The following ST6GALNAC3 variants were observed in gnomAD, a reference collection of about 807,000 sequenced individuals.
ST6GALNAC3 encodes ST6 N-acetylgalactosaminide alpha-2,6-sialyltransferase 3.
Under a neutral mutation model 32.7 loss-of-function variants are expected in ST6GALNAC3, and 25 were observed. That is an observed-to-expected ratio of 0.76 (90% confidence interval 0.56 to 1.07). The LOEUF (loss-of-function observed/expected upper bound fraction) is 1.07, where lower values mean the gene tolerates loss of function less well. Among genes scored for constraint, ST6GALNAC3 ranks in the 50% least tolerant of loss-of-function variants. The pLI, the probability that ST6GALNAC3 is intolerant of heterozygous loss-of-function variation, is 0.00. For missense variants in ST6GALNAC3, 355 were observed against 382.4 expected, an observed-to-expected ratio of 0.93 and a Z score of 0.60; for synonymous variants, 129 against 133.1, an observed-to-expected ratio of 0.97 and a Z score of 0.21.
Position 76,314,000 on chromosome 1 carries a change from G to A in ST6GALNAC3, c.213+1G>A, listed in dbSNP as rs949340554. The A allele has an allele frequency of 6.2e-7, 1 of 1,610,818 alleles. No individual in the cohort carries two copies. The highest frequency in any genetic ancestry group is 8.5e-7 in the Non-Finnish European group (1 of 1,178,430). On this transcript the variant is annotated splice_donor_variant, in intron 2 of 4. Transcript: ENST00000328299. LOFTEE classifies it high-confidence loss of function. Reference sequence around the variant, plus strand: ...ATACATAAATGTGAAGACACAAGAGGTAAGATCCCAGAGGGTTACCTAGCA... The same window carrying A: ...ATACATAAATGTGAAGACACAAGAGATAAGATCCCAGAGGGTTACCTAGCA...
chr1:76,472,843 T>C lies in ST6GALNAC3; in HGVS notation c.623+60426T>C, dbSNP rs536916330. Among the ~76,000 whole-genome samples, 7 of 152,160 alleles carry C rather than the reference T, an allele frequency of 4.6e-5. No homozygotes were observed. The South Asian group carries it at 1.0e-3, about 23-fold the overall frequency. ...AGAGAAAAACGAGGCCAGAGGTAGA[T>C]ACAGGCCAGGAATTAGGTGAAAGGT... On this transcript the variant is annotated intron_variant, in intron 3 of 4. Transcript: ENST00000328299.
intron 1 of ST6GALNAC3, among the ~76,000 whole-genome samples, chr1:76,273,046 A>G (rs1193376896): frequency 6.6e-6 from 1 of 152,216 alleles, no homozygotes; most frequent in Non-Finnish European, 1.5e-5. Context: ...TTTTAAAAAT[A>G]GCTTTCTTTT....
At chr1:76,186,931 T>A (rs1653592194) in intron 1 of ST6GALNAC3, among the ~76,000 whole-genome samples, 1 of 152,162 alleles carries the variant, frequency 6.6e-6, no homozygotes, top group South Asian at 2.1e-4. Context: ...AAACAATGAT[T>A]CCTGAGGCAA....
At position 76,142,774 on chromosome 1, in the gene ST6GALNAC3, A is replaced by G. The variant is rs982221116; in HGVS notation, c.18+67890A>G. The G allele has an allele frequency of 1.6e-5, 7 of 443,400 alleles. No homozygotes were observed. In the East Asian group the frequency reaches 4.9e-4, roughly 31 times the overall value. The allele number at this position is 443,400 out of a possible 1,614,324, so 27.5% of individuals were successfully genotyped here. On this transcript the variant is annotated intron_variant, in intron 1 of 4. Transcript: ENST00000328299. ...GCTGTGGTTATCTGGAGAATGCAAT[A>G]GGCAGAACTTGCTGGTAGAGGCCCC...
At chr1:76,260,262 A>C (rs553209176) in intron 1 of ST6GALNAC3, among the ~76,000 whole-genome samples, 1 of 152,186 alleles carries the variant, frequency 6.6e-6, no homozygotes, top group Non-Finnish European at 1.5e-5. Flanking sequence ...TAGAAAATCA[A>C]ATGCCATTTA....
chr1:76,558,189 C>T (rs1665037631), intron 3 of ST6GALNAC3, among the ~76,000 whole-genome samples: 1 of 152,138 alleles, frequency 6.6e-6, no homozygotes, highest in Non-Finnish European at 1.5e-5. Context: ...TTGGAGATTT[C>T]TGAAAGAATT....
intron 3 of ST6GALNAC3, among the ~76,000 whole-genome samples, chr1:76,484,520 G>A (rs1263989881): frequency 6.6e-6 from 1 of 152,140 alleles, no homozygotes; most frequent in African/African-American, 2.4e-5. Context: ...TTGGCTCTCT[G>A]TTTGTCTGTT....
chr1:76,288,202 T>TA (rs1431334858), intron 1 of ST6GALNAC3, among the ~76,000 whole-genome samples: 1 of 152,234 alleles, frequency 6.6e-6, no homozygotes, highest in Non-Finnish European at 1.5e-5. Flanking sequence ...GAAATCACTG[T>TA]AAAATCACAG....
At chr1:76,301,466 T>C (rs1230542629) in intron 1 of ST6GALNAC3, among the ~76,000 whole-genome samples, 2 of 152,098 alleles carry the variant, frequency 1.3e-5, no homozygotes, top group Non-Finnish European at 2.9e-5. Context: ...TTTGCTATTC[T>C]AGCAGGGGAA....
chr1:76,594,817 A>T (rs1455373602), intron 3 of ST6GALNAC3, among the ~76,000 whole-genome samples: 1 of 152,218 alleles, frequency 6.6e-6, no homozygotes, highest in Non-Finnish European at 1.5e-5. Flanking sequence ...GTCTAGATAT[A>T]TAAGAGAATA....
intron 2 of ST6GALNAC3, among the ~76,000 whole-genome samples, chr1:76,327,100 G>A (rs1647088371): frequency 6.6e-6 from 1 of 151,970 alleles, no homozygotes; most frequent in Non-Finnish European, 1.5e-5. Context: ...GTTTTTATCA[G>A]ATGACTTCCT....
chr1:76,324,991 G>A (rs779475503), intron 2 of ST6GALNAC3, among the ~76,000 whole-genome samples: 16 of 152,032 alleles, frequency 1.1e-4, no homozygotes, highest in Non-Finnish European at 1.8e-4. Context: ...GTGCAGGTTT[G>A]TTACATATGT....
At chr1:76,578,416 T>A (rs1212495014) in intron 3 of ST6GALNAC3, among the ~76,000 whole-genome samples, 2 of 152,074 alleles carry the variant, frequency 1.3e-5, no homozygotes, top group African/African-American at 4.8e-5. Flanking sequence ...TGGCTTGTGT[T>A]GTCTTGTTTT....
intron 1 of ST6GALNAC3, among the ~76,000 whole-genome samples, chr1:76,184,250 C>T (rs1653386081): frequency 6.6e-6 from 1 of 152,028 alleles, no homozygotes; most frequent in Non-Finnish European, 1.5e-5. Context: ...AGTTAAGAAA[C>T]ATATGGGGCT....
At chr1:76,235,580 TA>T (rs1311215411) in intron 1 of ST6GALNAC3, among the ~76,000 whole-genome samples, 1 of 151,822 alleles carries the variant, frequency 6.6e-6, no homozygotes, top group African/African-American at 2.4e-5. Context: ...GGTTATTTCT[TA>T]GGTTATTTCT....
chr1:76,467,757 T>A (rs1044508203), intron 3 of ST6GALNAC3, among the ~76,000 whole-genome samples: 8 of 151,920 alleles, frequency 5.3e-5, no homozygotes, highest in Non-Finnish European at 8.8e-5. Context: ...TTAGGAAAAA[T>A]TTTTTGCAAT....
At chr1:76,096,753 T>C (rs1177787197) in intron 1 of ST6GALNAC3, among the ~76,000 whole-genome samples, 1 of 152,006 alleles carries the variant, frequency 6.6e-6, no homozygotes, top group African/African-American at 2.4e-5. Flanking sequence ...TCTCCCCACT[T>C]TCAACCCTTC....
intron 1 of ST6GALNAC3, among the ~76,000 whole-genome samples, chr1:76,271,395 T>C (rs1013460231): frequency 6.6e-6 from 1 of 152,220 alleles, no homozygotes; most frequent in African/African-American, 2.4e-5. Context: ...TTCACAATTA[T>C]TTATTGAGTA....
intron 1 of ST6GALNAC3, among the ~76,000 whole-genome samples, chr1:76,140,924 A>G (rs1204919848): frequency 6.7e-6 from 1 of 150,028 alleles, no homozygotes; most frequent in Non-Finnish European, 1.5e-5. Context: ...GGCATGATCC[A>G]CCGTGCCCAG....
Sources: allele counts gnomAD v4.1 joint callset (sites outside exome capture counted in the v4.1 genomes callset), GRCh38; gene constraint gnomAD v4.1.1; transcripts MANE v1.5; gene names NCBI Gene and HGNC (gene_info 2026-07-23, HGNC 2026-07-21).